Variants in RNF141 observed in about 807,000 individuals in gnomAD.
RNF141 encodes the protein C3HC4-like zinc finger protein.
RNF141 carries 18 observed loss-of-function variants against 27.4 expected under a neutral mutation model. That is an observed-to-expected ratio of 0.66 (90% CI 0.45 to 0.97). The LOEUF (loss-of-function observed/expected upper bound fraction) is 0.97. Among genes scored for constraint, RNF141 ranks in the 50% least tolerant of loss-of-function variants. RNF141 has a pLI of 0.00. For missense variants in RNF141, 230 were observed against 279.4 expected, an observed-to-expected ratio of 0.82 and a Z score of 1.26; for synonymous variants, 97 against 96.6, an observed-to-expected ratio of 1.00 and a Z score of -0.02.
rs1849800928 is a variant in RNF141, at chr11:10,511,693, T to G, written c.*3223A>C. Reference sequence around the variant, plus strand: ...GCAAATTCTTCAGACTACCTTTTAATAAACTCAACTTCCCAATGTTAAAAA... The same window carrying G: ...GCAAATTCTTCAGACTACCTTTTAAGAAACTCAACTTCCCAATGTTAAAAA... On this transcript the variant is annotated 3_prime_UTR_variant, in exon 6 of 6. Transcript: ENST00000265981. The G allele has an allele frequency of 6.6e-6, 1 of 152,204 alleles. No homozygotes were observed. The highest frequency in any genetic ancestry group is 2.4e-5 in the African/African-American group (1 of 41,448). 9.4% of individuals were successfully genotyped at this position (152,204 alleles called of 1,614,324 possible). A position where few individuals can be genotyped will look rare whatever the true frequency, so the allele number is the denominator to read the frequency against.
chr11:10,521,949 G>A (rs1176070050), intron 4 of RNF141, among the ~76,000 whole-genome samples: 3 of 152,160 alleles, frequency 2.0e-5, no homozygotes, highest in Admixed American at 2.0e-4. Flanking sequence ...TATAATCAAG[G>A]GGAAGTGAAC....
rs559314592 is a variant in RNF141 at position 10,529,164 on chromosome 11, C to G, written c.252+1479G>C. Among the ~76,000 whole-genome samples the G allele has an allele frequency of 1.7e-3, 258 of 152,306 alleles. 1 individual carries two copies. Among genetic ancestry groups the G allele is most frequent in the Non-Finnish European group, 2.1e-3 (143 of 68,028 alleles). ...CCCTGAAATGATGCAGGAGTCAATC[C>G]TGGTTAGTCTAATCTAAACCAATCA... On this transcript the variant is annotated intron_variant, in intron 3 of 5. Transcript: ENST00000265981.
At chr11:10,539,628 G>C in intron 1 of RNF141, among the ~76,000 whole-genome samples, 1 of 122,042 alleles carries the variant, frequency 8.2e-6, no homozygotes, top group African/African-American at 3.1e-5. Context: ...TTAGGCCAGA[G>C]TCACTATAGA....
intron 5 of RNF141, 66 bp from the exon 6 acceptor site, chr11:10,515,132 GTAATACA>G: frequency 6.7e-7 from 1 of 1,502,806 alleles, no homozygotes; most frequent in Non-Finnish European, 9.0e-7. Flanking sequence ...TTTATTTAAA[GTAATACA>G]TGCACATGGC....
chr11:10,539,453 T>C (rs2133978479), intron 1 of RNF141, among the ~76,000 whole-genome samples: 1 of 151,898 alleles, frequency 6.6e-6, no homozygotes, highest in East Asian at 1.9e-4. Flanking sequence ...TGATTTTCAC[T>C]GTCAAGTCAA....
chr11:10,532,976 C>G (rs1850001730), intron 2 of RNF141, among the ~76,000 whole-genome samples: 1 of 152,158 alleles, frequency 6.6e-6, no homozygotes, highest in Admixed American at 6.5e-5. Context: ...TTAAAAGGTC[C>G]AATCCTTAGC....
intron 3 of RNF141, among the ~76,000 whole-genome samples, chr11:10,529,953 C>G (rs746632453): frequency 5.3e-5 from 8 of 152,158 alleles, no homozygotes; most frequent in Admixed American, 1.3e-4. Flanking sequence ...CCCAGGGAAT[C>G]TTTATGGGTC....
intron 1 of RNF141, among the ~76,000 whole-genome samples, chr11:10,537,075 ACAAGATT>A: frequency 6.6e-6 from 1 of 152,376 alleles, no homozygotes; most frequent in African/African-American, 2.4e-5. Flanking sequence ...ATGTGGAAAA[ACAAGATT>A]CATTTACAGA....
At chr11:10,533,300 A>G (rs1160289390) in intron 2 of RNF141, among the ~76,000 whole-genome samples, 1 of 152,164 alleles carries the variant, frequency 6.6e-6, no homozygotes, top group African/African-American at 2.4e-5. Context: ...TACATAGATC[A>G]ATACCAAAAT....
rs752292152 is a variant in RNF141 at position 10,515,034 on chromosome 11, C to T, written c.575G>A (p.Arg192His). 22 of 1,613,632 alleles carry T rather than the reference C, an allele frequency of 1.4e-5. No homozygotes were observed. Among genetic ancestry groups the T allele is most frequent in the African/African-American group, 2.7e-5 (2 of 74,874 alleles). Reference protein sequence around the residue: ...SDRHRNCPICRLQMTGANESW... With the variant: ...SDRHRNCPICHLQMTGANESW... ...TTCATTTGCTCCAGTCATCTGTAGG[C>T]GACAAATAGGGCAATTCCTGTGTCG... The change falls in exon 6 of 6, where the codon CGC becomes CAC. Residue 192 changes from arginine (R) to histidine (H), a missense_variant. Physicochemically the swap from Arg to His is conservative, Grantham distance 29. Transcript: ENST00000265981.
chr11:10,525,352 C>T lies in RNF141; in HGVS notation c.274G>A (p.Val92Met). Residue 92 changes from valine (V) to methionine (M), a missense_variant, in exon 4 of 6, where the codon GTG becomes ATG. Physicochemically the swap from Val to Met is conservative, Grantham distance 21 (BLOSUM62 1). Transcript: ENST00000265981. ...AAATTCATGATCCGTGATGCCTCCA[C>T]AATGCCACTGCTTTTGTTAATCTAA... ...CTKINKSSGI[V>M]EASRIMNLYQ... is the part of the protein sequence containing the mutation. 1.3e-6 allele frequency: 2 copies of T among 1,586,748 alleles called. No individual in the cohort carries two copies. Among genetic ancestry groups the T allele is most frequent in the Non-Finnish European group, 1.7e-6 (2 of 1,166,628 alleles).
chr11:10,534,059 T>G lies in RNF141; in HGVS notation c.100A>C (p.Thr34Pro). 1 of 1,613,572 alleles carries G rather than the reference T, an allele frequency of 6.2e-7. No homozygotes were observed. Among genetic ancestry groups the G allele is most frequent in the Non-Finnish European group, 8.5e-7 (1 of 1,179,640 alleles). Reference sequence around the variant, plus strand: ...ACTCTCCCAAGAAATTCTTCATAAGTTAAGGAGCCACTCTCTCGAACCAAC... The same window carrying G: ...ACTCTCCCAAGAAATTCTTCATAAGGTAAGGAGCCACTCTCTCGAACCAAC... Reference protein sequence around the residue: ...VTLVRESGSLTYEEFLGRVAE... With the variant: ...VTLVRESGSLPYEEFLGRVAE... The change falls in exon 2 of 6, where the codon ACT (threonine) becomes CCT (proline). Residue 34 changes from threonine (T) to proline (P), a missense_variant. Thr to Pro is a conservative substitution (Grantham distance 38). Coordinates refer to ENST00000265981, the MANE Select transcript of RNF141 (RefSeq NM_016422.4).
At chr11:10,521,787 A>G (rs562873631) in intron 4 of RNF141, among the ~76,000 whole-genome samples, 2 of 152,354 alleles carry the variant, frequency 1.3e-5, no homozygotes, top group African/African-American at 4.8e-5. Context: ...ATGTGTGTTT[A>G]TGTCTGTGTA....
At chr11:10,530,321 T>C (rs1849974325) in intron 3 of RNF141, among the ~76,000 whole-genome samples, 1 of 152,218 alleles carries the variant, frequency 6.6e-6, no homozygotes, top group Admixed American at 6.5e-5. Context: ...TAAGGTATCA[T>C]CTTAGAGCTA....
chr11:10,527,820 T>TA (rs1417640594), intron 3 of RNF141, among the ~76,000 whole-genome samples: 1 of 152,082 alleles, frequency 6.6e-6, no homozygotes, highest in Non-Finnish European at 1.5e-5. Context: ...ATCCTGGTGA[T>TA]AGAGGATGGT....
In RNF141 at chr11:10,511,969, G is replaced by T. The variant is rs780890596; in HGVS notation, c.*2947C>A. On this transcript the variant is annotated 3_prime_UTR_variant, in exon 6 of 6. Transcript: ENST00000265981. ...AGATTATTTATTGCACAATTTATCA[G>T]TGGGTACTAAGAATAACACAGATCC... 2.6e-5 allele frequency: 4 copies of T among 152,626 alleles called. No individual in the cohort carries two copies. Among genetic ancestry groups the T allele is most frequent in the Non-Finnish European group, 5.9e-5 (4 of 68,032 alleles). The allele number at this position is 152,626 out of a possible 1,614,324, so 9.5% of individuals were successfully genotyped here.
At chr11:10,521,114 C>T (rs1052391664) in intron 4 of RNF141, among the ~76,000 whole-genome samples, 3 of 152,180 alleles carry the variant, frequency 2.0e-5, no homozygotes, top group Admixed American at 2.0e-4. Flanking sequence ...AAACCTTTTG[C>T]TCCAGCCACA....
intron 2 of RNF141, among the ~76,000 whole-genome samples, chr11:10,532,955 T>C (rs1293592569): frequency 6.6e-6 from 1 of 152,324 alleles, no homozygotes; most frequent in East Asian, 1.9e-4. Context: ...CGTAATCAAC[T>C]TGGCCCTCAG....
intron 1 of RNF141, among the ~76,000 whole-genome samples, chr11:10,539,892 G>A (rs1442971669): frequency 6.6e-6 from 1 of 151,138 alleles, no homozygotes. Context: ...ATTTAGATGG[G>A]AACCAAGAAG....
Sources: gnomAD v4.1 joint callset for allele counts (sites outside exome capture counted in the v4.1 genomes callset) on GRCh38, gnomAD v4.1.1 for gene constraint, MANE v1.5 for transcripts, NCBI Gene and HGNC (gene_info 2026-07-23, HGNC 2026-07-21) for gene names.